Variants in ITGAE observed in about 807,000 individuals in gnomAD.
ITGAE encodes integrin alpha-E.
Under a neutral mutation model 136.5 loss-of-function variants are expected in ITGAE, and 99 were observed. That is an observed-to-expected ratio of 0.73 (90% CI 0.62 to 0.86). The LOEUF (loss-of-function observed/expected upper bound fraction) is 0.86, where lower values mean the gene tolerates loss of function less well. Ranked by LOEUF, ITGAE falls within the 40% of genes least tolerant of loss-of-function variation. The probability of loss-of-function intolerance (pLI) is 0.00; values close to 1 mark genes in which losing one functional copy is unlikely to be tolerated. For synonymous variants in ITGAE, 613 were observed against 591.8 expected, an observed-to-expected ratio of 1.04 and a Z score of -0.52; for missense variants, 1,447 against 1,515.3, an observed-to-expected ratio of 0.95 and a Z score of 0.75.
At position 3,724,011 on chromosome 17, in the gene ITGAE, C is replaced by T; in HGVS notation, c.3085-267G>A. 6.3e-7 allele frequency: 1 copy of T among 1,591,556 alleles called. No homozygotes were observed. The highest frequency in any genetic ancestry group is 8.5e-7 in the Non-Finnish European group (1 of 1,173,584). ...GGCTGCGGACGGCAGGAGACAGCGG[C>T]GGCCGGGCCGGGAAGCCGCGCAGTG... On this transcript the variant is annotated intron_variant, in intron 26 of 30. Coordinates refer to ENST00000263087, the MANE Select transcript of ITGAE (RefSeq NM_002208.5).
chr17:3,729,626 G>A (rs1045373388), intron 23 of ITGAE, 71 bp from the exon 24 acceptor site: 17 of 1,003,574 alleles, frequency 1.7e-5, no homozygotes, highest in African/African-American at 7.8e-5. Flanking sequence ...AAAGGGCTTC[G>A]CTCTGTTGCC....
At chr17:3,764,313 C>A (rs965993436) in intron 2 of ITGAE, among the ~76,000 whole-genome samples, 6 of 152,202 alleles carry the variant, frequency 3.9e-5, no homozygotes, top group Non-Finnish European at 7.3e-5. Context: ...GTGCTGGCTT[C>A]CTCGTGGGCC....
chr17:3,724,635 G>C, intron 26 of ITGAE: 1 of 1,614,210 alleles, frequency 6.2e-7, no homozygotes, highest in African/African-American at 1.3e-5. Context: ...CACCAGGATG[G>C]TCCACCAAAC....
intron 18 of ITGAE, 52 bp downstream of exon 18, chr17:3,745,712 T>A: frequency 6.4e-7 from 1 of 1,568,794 alleles, no homozygotes. Flanking sequence ...CCTCAAATCC[T>A]TTCTCAATGA....
intron 17 of ITGAE, among the ~76,000 whole-genome samples, chr17:3,746,620 T>C (rs1290981360): frequency 1.3e-5 from 2 of 152,048 alleles, no homozygotes; most frequent in East Asian, 3.9e-4. Context: ...CACACCTGGC[T>C]AATTTTTTGT....
chr17:3,758,160 G>C (rs895285709), intron 8 of ITGAE, among the ~76,000 whole-genome samples: 60 of 152,280 alleles, frequency 3.9e-4, no homozygotes, highest in African/African-American at 1.4e-3. Context: ...TACTCACATG[G>C]CACTTATCAT....
chr17:3,759,284 G>A, intron 8 of ITGAE, 118 bp downstream of exon 8: 1 of 1,193,088 alleles, frequency 8.4e-7, no homozygotes, highest in South Asian at 1.4e-5. Context: ...TCTCGGCCAG[G>A]GAAAGGCTGG....
At chr17:3,789,703 G>T (rs1317332938) in intron 1 of ITGAE, among the ~76,000 whole-genome samples, 2 of 152,046 alleles carry the variant, frequency 1.3e-5, no homozygotes, top group Non-Finnish European at 2.9e-5. Flanking sequence ...GTTTCACTCT[G>T]TTGGCCAGGC....
At chr17:3,765,783 G>A (rs560713695) in intron 2 of ITGAE, among the ~76,000 whole-genome samples, 84 of 152,138 alleles carry the variant, frequency 5.5e-4, no homozygotes, top group African/African-American at 1.9e-3. Flanking sequence ...GTGCCTTCGC[G>A]GTCTGACCTC....
At position 3,714,704 on chromosome 17, in the gene ITGAE, G is replaced by A. The variant is rs2050910803; in HGVS notation, c.*143C>T. The A allele has an allele frequency of 3.7e-6, 2 of 540,520 alleles. No individual in the cohort carries two copies. The highest frequency in any genetic ancestry group is 2.7e-5 in the South Asian group (1 of 36,948). 33.5% of individuals were successfully genotyped at this position (540,520 alleles called of 1,614,324 possible). On this transcript the variant is annotated 3_prime_UTR_variant, in exon 31 of 31. Coordinates refer to ENST00000263087, the MANE Select transcript of ITGAE (RefSeq NM_002208.5). ...TTTTGCACAATGCACAGACACTTTT[G>A]GGACAATGTATGGTTAAAAACTAAT...
intron 26 of ITGAE, 183 bp from the exon 27 acceptor site, chr17:3,723,927 G>A (rs764660611): frequency 1.3e-6 from 2 of 1,544,644 alleles, no homozygotes; most frequent in African/African-American, 2.8e-5. Flanking sequence ...CTCTTGGCGG[G>A]TGCCGGCCAT....
At chr17:3,747,195 G>T (rs545711571) in intron 17 of ITGAE, among the ~76,000 whole-genome samples, 1 of 152,380 alleles carries the variant, frequency 6.6e-6, no homozygotes, top group Admixed American at 6.5e-5. Flanking sequence ...CACCTGGGCC[G>T]GAGGCACATA....
intron 29 of ITGAE, 95 bp downstream of exon 29, chr17:3,720,212 G>C: frequency 1.5e-6 from 1 of 664,698 alleles, no homozygotes; most frequent in South Asian, 1.7e-5. Context: ...TGTTAAGGCT[G>C]AAAACAGGAA....
chr17:3,776,652 G>T (rs1423404538), intron 2 of ITGAE, among the ~76,000 whole-genome samples: 1 of 151,986 alleles, frequency 6.6e-6, no homozygotes, highest in Non-Finnish European at 1.5e-5. Flanking sequence ...TCGGCCTCCG[G>T]GCCCAAGTGG....
At chr17:3,729,613 T>TA (rs2143009954) in intron 23 of ITGAE, 58 bp from the exon 24 acceptor site, 3 of 1,109,042 alleles carry the variant, frequency 2.7e-6, no homozygotes, top group Non-Finnish European at 4.2e-6. Context: ...AAGTGCTTCT[T>TA]AAAAAGGGCT....
intron 1 of ITGAE, among the ~76,000 whole-genome samples, chr17:3,791,449 A>C (rs1780587035): frequency 2.0e-5 from 3 of 151,734 alleles, no homozygotes; most frequent in Non-Finnish European, 2.9e-5. Context: ...TGCCTGGCTA[A>C]TTTTTGTACT....
In ITGAE at chr17:3,727,940, C is replaced by T. The variant is rs779796908; in HGVS notation, c.3063G>A (p.Val1021=). 10 of 1,613,456 alleles carry T rather than the reference C, an allele frequency of 6.2e-6. No homozygotes were observed. In the Admixed American group the frequency reaches 1.7e-4, roughly 27 times the overall value. The change falls in exon 26 of 31, where the codon GTG becomes GTA. Residue 1021 remains valine (V), a synonymous_variant. Transcript: ENST00000263087. ...ATACCTGAGTCCTCGTCAGCTTCTT[C>T]ACTGCTACAACCTGGAGACCTCGTA... ...TKLRGLQVVA[V]KKLTRTQAST... is the part of the protein sequence containing the mutation.
In ITGAE at chr17:3,746,069, GT is replaced by G; in HGVS notation, c.2156-143del. 6.9e-6 allele frequency: 5 copies of G among 722,804 alleles called. No homozygotes were observed. The South Asian group carries it at 9.6e-5, about 14-fold the overall frequency. The allele number at this position is 722,804 out of a possible 1,614,324, so 44.8% of individuals were successfully genotyped here. The stretch of plus-strand genomic sequence containing the variant: ...TACTTCCCTGCGGCTGGACTCCTGC[GT>G]CGGTTTTTCAAAGATATTTTTCTCA... On this transcript the variant is annotated intron_variant, in intron 17 of 30. Coordinates refer to ENST00000263087, the MANE Select transcript of ITGAE (RefSeq NM_002208.5).
intron 14 of ITGAE, among the ~76,000 whole-genome samples, chr17:3,752,487 G>C (rs1444465576): frequency 6.6e-6 from 1 of 152,232 alleles, no homozygotes; most frequent in Non-Finnish European, 1.5e-5. Context: ...TGGGCGCGGT[G>C]ACTCACGCCC....
Sources: allele counts gnomAD v4.1 joint callset (sites outside exome capture counted in the v4.1 genomes callset), GRCh38; gene constraint gnomAD v4.1.1; transcripts MANE v1.5; gene names NCBI Gene and HGNC (gene_info 2026-07-23, HGNC 2026-07-21).